SUPT3H: variants seen among roughly 807,000 people sequenced by gnomAD.
The protein encoded by SUPT3H is SPT3 homolog, SAGA and STAGA complex component.
Under a neutral mutation model 44.3 loss-of-function variants are expected in SUPT3H, and 44 were observed. That is an observed-to-expected ratio of 0.99 (90% CI 0.78 to 1.28). The LOEUF (loss-of-function observed/expected upper bound fraction) is 1.28, where lower values mean the gene tolerates loss of function less well. Ranked by LOEUF, SUPT3H falls within the 50% of genes most tolerant of loss-of-function variation. SUPT3H has a pLI of 0.00. For synonymous variants in SUPT3H, 124 were observed against 125.6 expected (o/e 0.99, Z 0.09); for missense variants, 380 against 387.1 (o/e 0.98, Z 0.15).
chr6:44,929,183 G>A (rs1770137381), intron 10 of SUPT3H, among the ~76,000 whole-genome samples: 1 of 151,726 alleles, frequency 6.6e-6, no homozygotes, highest in East Asian at 1.9e-4. Flanking sequence ...TAATTCCTAA[G>A]GTGAAAAATT....
chr6:45,136,141 A>G (rs1451900779), intron 2 of SUPT3H, among the ~76,000 whole-genome samples: 1 of 152,238 alleles, frequency 6.6e-6, no homozygotes, highest in Non-Finnish European at 1.5e-5. Flanking sequence ...AGCAGAAAGA[A>G]GAAGCATTGA....
At chr6:44,916,803 A>T (rs1767877794) in intron 10 of SUPT3H, among the ~76,000 whole-genome samples, 1 of 152,156 alleles carries the variant, frequency 6.6e-6, no homozygotes, top group Non-Finnish European at 1.5e-5. Context: ...ACAGTGCTGG[A>T]AGCTTTGAAG....
At chr6:44,934,609 C>T (rs567028950) in intron 9 of SUPT3H, among the ~76,000 whole-genome samples, 5 of 152,142 alleles carry the variant, frequency 3.3e-5, no homozygotes, top group Non-Finnish European at 2.9e-5. Context: ...GATTTATCCA[C>T]GAGGGTGGAG....
At chr6:44,935,220 T>C (rs749190962) in intron 9 of SUPT3H, among the ~76,000 whole-genome samples, 1 of 152,168 alleles carries the variant, frequency 6.6e-6, no homozygotes, top group Non-Finnish European at 1.5e-5. Context: ...TCTGTCAACA[T>C]CTAGTCCTTT....
At chr6:45,256,520 G>A (rs1004616201) in intron 2 of SUPT3H, among the ~76,000 whole-genome samples, 4 of 152,082 alleles carry the variant, frequency 2.6e-5, no homozygotes, top group Non-Finnish European at 4.4e-5. Flanking sequence ...CAACAGGAAT[G>A]AGATTTCAAC....
chr6:45,268,342 A>AT (rs1316894824), intron 2 of SUPT3H, among the ~76,000 whole-genome samples: 2 of 152,170 alleles, frequency 1.3e-5, no homozygotes, highest in East Asian at 1.9e-4. Flanking sequence ...AATGTCAAAT[A>AT]TTTTTCCACA....
intron 1 of SUPT3H, among the ~76,000 whole-genome samples, chr6:45,372,427 G>A (rs972108112): frequency 6.6e-6 from 1 of 152,056 alleles, no homozygotes; most frequent in African/African-American, 2.4e-5. Flanking sequence ...AGAATGTTAT[G>A]ACTAAGAGTA....
chr6:45,178,026 A>C (rs554071806), intron 2 of SUPT3H, among the ~76,000 whole-genome samples: 2,419 of 152,270 alleles, frequency 0.016, 34 homozygotes, highest in South Asian at 0.036. Context: ...GAGCAAAATA[A>C]CCAGCTAACA....
At chr6:45,199,889 CT>C (rs1219998510) in intron 2 of SUPT3H, among the ~76,000 whole-genome samples, 3 of 151,236 alleles carry the variant, frequency 2.0e-5, no homozygotes, top group African/African-American at 7.3e-5. Flanking sequence ...AGTCTAGAGC[CT>C]TATTTATGTG....
intron 3 of SUPT3H, among the ~76,000 whole-genome samples, chr6:45,080,681 C>T (rs915258334): frequency 2.6e-5 from 4 of 151,642 alleles, no homozygotes; most frequent in African/African-American, 4.8e-5. Flanking sequence ...ACACAAAAAC[C>T]GACTTCACTT....
chr6:44,970,363 A>G (rs1023481197), intron 6 of SUPT3H, among the ~76,000 whole-genome samples: 1 of 152,206 alleles, frequency 6.6e-6, no homozygotes, highest in African/African-American at 2.4e-5. Context: ...CTAGTGCCAT[A>G]CAACCTAATT....
At chr6:45,262,823 C>A (rs1774602016) in intron 2 of SUPT3H, among the ~76,000 whole-genome samples, 1 of 151,948 alleles carries the variant, frequency 6.6e-6, no homozygotes, top group African/African-American at 2.4e-5. Flanking sequence ...AAAAAGTGGG[C>A]AAAAGACATG....
At chr6:45,315,922 C>CAGAT (rs59633405) in intron 2 of SUPT3H, among the ~76,000 whole-genome samples, 28,364 of 145,354 alleles carry the variant, frequency 0.2, 2,768 homozygotes, top group Middle Eastern at 0.23. Context: ...CTCAGATAGA[C>CAGAT]AGATAGATAG....
At chr6:44,990,692 ATC>A (rs896435254) in intron 6 of SUPT3H, among the ~76,000 whole-genome samples, 1 of 152,082 alleles carries the variant, frequency 6.6e-6, no homozygotes, top group Admixed American at 6.6e-5. Flanking sequence ...TCATCCATTC[ATC>A]TCTCTCTTTT....
At chr6:45,062,009 T>C (rs1048663365) in intron 3 of SUPT3H, among the ~76,000 whole-genome samples, 3 of 151,800 alleles carry the variant, frequency 2.0e-5, no homozygotes, top group African/African-American at 7.3e-5. Flanking sequence ...AAATTAGTGT[T>C]ATTTAATATC....
intron 5 of SUPT3H, among the ~76,000 whole-genome samples, chr6:45,006,135 T>C (rs938778818): frequency 2.6e-4 from 39 of 152,232 alleles, no homozygotes; most frequent in African/African-American, 8.7e-4. Context: ...ATGATGCTAA[T>C]ATTGCCACTT....
At chr6:45,109,531 C>CACA (rs11399494) in intron 2 of SUPT3H, among the ~76,000 whole-genome samples, 2 of 152,216 alleles carry the variant, frequency 1.3e-5, no homozygotes, top group South Asian at 4.1e-4. Context: ...TGAGCATACA[C>CACA]TGTAAAGTAA....
intron 2 of SUPT3H, among the ~76,000 whole-genome samples, chr6:45,161,625 AG>A (rs761697704): frequency 2.0e-5 from 3 of 152,304 alleles, no homozygotes; most frequent in East Asian, 3.9e-4. Flanking sequence ...AGGCATGAAT[AG>A]TGTCTTATTT....
At chr6:44,903,709 C>T (rs556747970) in intron 10 of SUPT3H, among the ~76,000 whole-genome samples, 1 of 152,150 alleles carries the variant, frequency 6.6e-6, no homozygotes, top group Non-Finnish European at 1.5e-5. Flanking sequence ...GATACCAAAG[C>T]CGGGCAGAGA....
Sources: gnomAD v4.1 joint callset for allele counts (sites outside exome capture counted in the v4.1 genomes callset) on GRCh38, gnomAD v4.1.1 for gene constraint, MANE v1.5 for transcripts, NCBI Gene and HGNC (gene_info 2026-07-23, HGNC 2026-07-21) for gene names.